CNNM3: variants seen among roughly 807,000 people sequenced by gnomAD.
CNNM3 encodes metal transporter CNNM3.
A neutral mutation model predicts 57.1 loss-of-function variants in CNNM3; 47 were observed. The observed-to-expected ratio is 0.82, with a 90% CI of 0.65 to 1.05. The LOEUF (loss-of-function observed/expected upper bound fraction) is 1.05. CNNM3 is among the 50% of genes least tolerant of loss of function. The pLI is 0.00. For synonymous variants in CNNM3, 507 were observed against 478.2 expected (o/e 1.06, Z -0.79); for missense variants, 957 against 973.7 (o/e 0.98, Z 0.23).
intron 7 of CNNM3, 75 bp downstream of exon 7, chr2:96,829,209 C>G: frequency 6.6e-7 from 1 of 1,503,820 alleles, no homozygotes; most frequent in African/African-American, 1.4e-5. Flanking sequence ...GACTTGCACT[C>G]TCGCCGCCCC....
intron 2 of CNNM3, among the ~76,000 whole-genome samples, chr2:96,825,958 T>G (rs1273295212): frequency 6.6e-6 from 1 of 152,210 alleles, no homozygotes; most frequent in Non-Finnish European, 1.5e-5. Flanking sequence ...TGTCCGCCTG[T>G]TAGCATGGTG....
chr2:96,823,582 A>C (rs973407968), intron 1 of CNNM3, among the ~76,000 whole-genome samples: 1 of 152,218 alleles, frequency 6.6e-6, no homozygotes, highest in Non-Finnish European at 1.5e-5. Flanking sequence ...GAGACGATTC[A>C]TGTGGCCATT....
At chr2:96,821,302 T>G (rs1283643215) in intron 1 of CNNM3, among the ~76,000 whole-genome samples, 3 of 152,170 alleles carry the variant, frequency 2.0e-5, no homozygotes, top group African/African-American at 7.2e-5. Context: ...ATTCCTCCAC[T>G]TAGGAACAAA....
intron 7 of CNNM3, 34 bp downstream of exon 7, chr2:96,829,168 T>C (rs2079560165): frequency 1.2e-6 from 2 of 1,605,040 alleles, no homozygotes; most frequent in Non-Finnish European, 1.7e-6. Flanking sequence ...GCATGGTGTC[T>C]GGACCTGAGG....
chr2:96,828,949 G>A (rs761632895), intron 6 of CNNM3, 47 bp from the exon 7 acceptor site: 3 of 1,603,340 alleles, frequency 1.9e-6, no homozygotes, highest in East Asian at 2.2e-5. Flanking sequence ...CCTACCTTCT[G>A]CATCTCGCTT....
At chr2:96,827,067 C>T in intron 3 of CNNM3, 85 bp downstream of exon 3, 1 of 1,460,750 alleles carries the variant, frequency 6.8e-7, no homozygotes, top group South Asian at 1.3e-5. Flanking sequence ...ACTGACTCTG[C>T]TCCCCACTCC....
In CNNM3 at chr2:96,828,550, G is replaced by A. The variant is rs1461736194; in HGVS notation, c.1787-17G>A. On this transcript the variant is annotated splice_polypyrimidine_tract_variant and intron_variant, in intron 5 of 7. Coordinates refer to ENST00000305510, the MANE Select transcript of CNNM3 (RefSeq NM_017623.5). Reference sequence around the variant, plus strand: ...TGCCAGCATGGCTCCTGCCATCACTGATTGTTCCTTTGATAGTTCACCAGT... The same window carrying A: ...TGCCAGCATGGCTCCTGCCATCACTAATTGTTCCTTTGATAGTTCACCAGT... 1 of 1,614,112 alleles carries A rather than the reference G, an allele frequency of 6.2e-7. No homozygotes were observed. Among genetic ancestry groups the A allele is most frequent in the Non-Finnish European group, 8.5e-7 (1 of 1,179,992 alleles).
Position 96,833,118 on chromosome 2 carries a change from ATGT to A in CNNM3, c.*506_*508del. ...GGGGTTCAGATCGATGGCCTTGTCC[ATGT>A]TGTCCTTTCTGGCTTCCCTGATGGT... is the stretch of plus-strand genomic sequence containing the variant. On this transcript the variant is annotated 3_prime_UTR_variant, in exon 8 of 8. Coordinates refer to ENST00000305510, the MANE Select transcript of CNNM3 (RefSeq NM_017623.5). 2.4e-6 allele frequency: 2 copies of A among 824,750 alleles called. No homozygotes were observed. Among genetic ancestry groups the A allele is most frequent in the Non-Finnish European group, 3.5e-6 (2 of 578,052 alleles). 51.1% of individuals were successfully genotyped at this position (824,750 alleles called of 1,614,324 possible).
chr2:96,818,549 C>T (rs1273646033), intron 1 of CNNM3, among the ~76,000 whole-genome samples: 1 of 152,198 alleles, frequency 6.6e-6, no homozygotes, highest in East Asian at 1.9e-4. Context: ...CCGCGCCCAG[C>T]CTCACCTCTT....
Position 96,827,897 on chromosome 2 carries a change from G to A in CNNM3, c.1686G>A (p.Leu562=). Residue 562 remains leucine, a synonymous_variant, in exon 4 of 8, where the codon CTG becomes CTA. Transcript: ENST00000305510. ...SQPVDYFILI[L]QGRVEVEIGK... ...CGGTGGATTACTTCATTCTCATCCT[G>A]CAGGTAGCTGTGGGTCCCAGGCCTG... 1 of 1,610,736 alleles carries A rather than the reference G, an allele frequency of 6.2e-7. No homozygotes were observed. The highest frequency in any genetic ancestry group is 8.5e-7 in the Non-Finnish European group (1 of 1,177,432).
At position 96,833,006 on chromosome 2, in the gene CNNM3, G is replaced by GT; in HGVS notation, c.*391dup. The GT allele has an allele frequency of 4.5e-6, 6 of 1,323,282 alleles. No individual in the cohort carries two copies. The highest frequency in any genetic ancestry group is 5.9e-6 in the Non-Finnish European group (6 of 1,010,990). 82.0% of individuals were successfully genotyped at this position (1,323,282 alleles called of 1,614,324 possible). Reference sequence around the variant, plus strand: ...GTGCAGTTACTGCCTTTGTGTGGCCGTGACCTCTATTTGTTTGCTTTTAAT... The same window carrying GT: ...GTGCAGTTACTGCCTTTGTGTGGCCGTTGACCTCTATTTGTTTGCTTTTAAT... On this transcript the variant is annotated 3_prime_UTR_variant, in exon 8 of 8. Coordinates refer to ENST00000305510, the MANE Select transcript of CNNM3 (RefSeq NM_017623.5).
At chr2:96,819,865 G>T (rs1397271567) in intron 1 of CNNM3, among the ~76,000 whole-genome samples, 1 of 152,186 alleles carries the variant, frequency 6.6e-6, no homozygotes, top group African/African-American at 2.4e-5. Flanking sequence ...TTTCCAAACC[G>T]CCAGTGTCAG....
intron 2 of CNNM3, among the ~76,000 whole-genome samples, chr2:96,825,476 C>T (rs2079485192): frequency 6.6e-6 from 1 of 152,242 alleles, no homozygotes; most frequent in African/African-American, 2.4e-5. Context: ...CTATTAGTTT[C>T]CTCCATTACT....
chr2:96,830,246 C>A (rs2079578540), intron 7 of CNNM3, among the ~76,000 whole-genome samples: 1 of 152,164 alleles, frequency 6.6e-6, no homozygotes, highest in South Asian at 2.1e-4. Flanking sequence ...CCTCCCACCC[C>A]CACCTGCCCC....
At chr2:96,832,099 CTTCCCT>C in intron 7 of CNNM3, 1 of 995,764 alleles carries the variant, frequency 1.0e-6, no homozygotes, top group Non-Finnish European at 1.2e-6. Flanking sequence ...TGCCCCTTCA[CTTCCCT>C]TTCCTGGCCC....
chr2:96,827,675 G>A (rs2079531844), intron 3 of CNNM3, 56 bp from the exon 4 acceptor site: 2 of 1,553,974 alleles, frequency 1.3e-6, no homozygotes, highest in East Asian at 4.5e-5. Context: ...GTTGGGTGTG[G>A]TTCCACTGGC....
At position 96,832,678 on chromosome 2, in the gene CNNM3, T is replaced by A. The variant is rs891970322; in HGVS notation, c.*62T>A. On this transcript the variant is annotated 3_prime_UTR_variant, in exon 8 of 8. Transcript: ENST00000305510. ...GAGCACGTGGGGAGCTGGAGTGAGC[T>A]GAGCAGAAGTTTTGTGCCCGCCTGC... is the stretch of plus-strand genomic sequence containing the variant. 1 of 1,602,948 alleles carries A rather than the reference T, an allele frequency of 6.2e-7. No homozygotes were observed. The highest frequency in any genetic ancestry group is 1.3e-5 in the African/African-American group (1 of 74,824).
downstream of CNNM3, among the ~76,000 whole-genome samples, chr2:96,835,736 G>T (rs986051121): frequency 6.6e-6 from 1 of 152,108 alleles, no homozygotes; most frequent in East Asian, 1.9e-4. Context: ...CAAAGTTCTG[G>T]GATTACAGGC....
chr2:96,836,417 T>C (rs1217918988), downstream of CNNM3, among the ~76,000 whole-genome samples: 1 of 152,080 alleles, frequency 6.6e-6, no homozygotes, highest in Non-Finnish European at 1.5e-5. Context: ...AATTTTGTAT[T>C]TTCAGTAGAG....
Sources: gnomAD v4.1 joint callset for allele counts (sites outside exome capture counted in the v4.1 genomes callset) on GRCh38, gnomAD v4.1.1 for gene constraint, MANE v1.5 for transcripts, NCBI Gene and HGNC (gene_info 2026-07-23, HGNC 2026-07-21) for gene names.